Variants in DPP6 observed in about 807,000 individuals in gnomAD.
The protein encoded by DPP6 is dipeptidyl peptidase like 6.
In DPP6, 69 loss-of-function variants were observed where a neutral mutation model predicts 122.6. The observed-to-expected ratio is 0.56, with a 90% CI of 0.46 to 0.69. DPP6 has a LOEUF of 0.69. Ranked by LOEUF, DPP6 falls within the 30% of genes least tolerant of loss-of-function variation. The pLI, the probability that DPP6 is intolerant of heterozygous loss-of-function variation, is 0.00. For missense variants in DPP6, 928 were observed against 1,116.9 expected (o/e 0.83, Z 2.41); for synonymous variants, 418 against 433.1 (o/e 0.97, Z 0.43).
chr7:153,984,492 C>T (rs1796746454), intron 1 of DPP6, among the ~76,000 whole-genome samples: 1 of 152,156 alleles, frequency 6.6e-6, no homozygotes, highest in African/African-American at 2.4e-5. Context: ...TCCTAAGAAG[C>T]AGTCTGAATG....
intron 1 of DPP6, among the ~76,000 whole-genome samples, chr7:154,382,492 T>G (rs1267006266): frequency 6.6e-6 from 1 of 152,258 alleles, no homozygotes; most frequent in Non-Finnish European, 1.5e-5. Context: ...GTAGGAATTT[T>G]TATTCTTTCA....
the DPP6 span, among the ~76,000 whole-genome samples, chr7:153,806,530 G>A: frequency 6.6e-6 from 1 of 151,372 alleles, no homozygotes; most frequent in African/African-American, 2.5e-5. Flanking sequence ...TGCAATTCAG[G>A]GATGAGATTT....
At chr7:154,884,246 CAAATT>C (rs1489519855) in intron 21 of DPP6, 7 of 142,868 alleles carry the variant, frequency 4.9e-5, no homozygotes, top group African/African-American at 1.9e-4. Flanking sequence ...CACATGCTCA[CAAATT>C]ACATACACAT....
intron 1 of DPP6, among the ~76,000 whole-genome samples, chr7:154,139,282 C>G (rs1025110817): frequency 1.9e-5 from 2 of 104,210 alleles, no homozygotes; most frequent in African/African-American, 8.6e-5. Context: ...GTGTAACTTT[C>G]AGTCCAAGGC....
chr7:153,918,427 A>AACAC lies in DPP6; in HGVS notation c.51+30730_51+30733dup, dbSNP rs5888535. On this transcript the variant is annotated intron_variant, in intron 1 of 25. Coordinates refer to the DPP6 transcript ENST00000404039. ...CAAGGCAAAAAGAAGAGTTAATTAA[A>AACAC]ACACACACACACACACACACACACA... 1.2e-3 allele frequency among the ~76,000 whole-genome samples: 135 copies of AACAC among 110,902 alleles called. 2 individuals are homozygous for AACAC. The highest frequency in any genetic ancestry group is 2.3e-3 in the African/African-American group (61 of 27,084). 72.8% of individuals were successfully genotyped at this position (110,902 alleles called of 152,430 possible). A position where few individuals can be genotyped will look rare whatever the true frequency, so the allele number is the denominator to read the frequency against.
intron 10 of DPP6, among the ~76,000 whole-genome samples, chr7:154,783,778 C>T (rs1213063381): frequency 6.6e-6 from 1 of 152,120 alleles, no homozygotes; most frequent in Non-Finnish European, 1.5e-5. Context: ...ACTTCCTTCT[C>T]CTTGCTCTTT....
intron 1 of DPP6, among the ~76,000 whole-genome samples, chr7:154,263,619 T>G (rs1803176406): frequency 1.3e-5 from 2 of 152,322 alleles, no homozygotes; most frequent in South Asian, 2.1e-4. Flanking sequence ...ACAATATCTC[T>G]TTTGAGCCAG....
chr7:154,238,837 C>T (rs1375538432), intron 1 of DPP6, among the ~76,000 whole-genome samples: 2 of 152,192 alleles, frequency 1.3e-5, no homozygotes, highest in African/African-American at 4.8e-5. Context: ...AAACCCAAGG[C>T]CCAGAGACAT....
At chr7:154,360,079 T>G (rs896536390) in intron 1 of DPP6, among the ~76,000 whole-genome samples, 1 of 152,246 alleles carries the variant, frequency 6.6e-6, no homozygotes, top group Non-Finnish European at 1.5e-5. Context: ...CATTTTACTA[T>G]GCCAGTAGTG....
At chr7:154,195,574 G>A (rs962678030) in intron 1 of DPP6, among the ~76,000 whole-genome samples, 7 of 152,182 alleles carry the variant, frequency 4.6e-5, no homozygotes, top group Non-Finnish European at 1.0e-4. Context: ...ACTCCAGGAA[G>A]TCTATGGGGA....
chr7:154,584,252 G>A lies in DPP6; in HGVS notation c.627+17336G>A, dbSNP rs77153842. Among the ~76,000 whole-genome samples the A allele has an allele frequency of 4.2e-3, 635 of 152,202 alleles. 2 individuals are homozygous for A. Among genetic ancestry groups the A allele is most frequent in the Non-Finnish European group, 7.6e-3 (518 of 68,024 alleles). ...CTCTCACCTCTGGGCCTTTGCAGGC[G>A]CTGTTCCCTCTGCTGGGAGCACCTG... is the stretch of plus-strand genomic sequence containing the variant. On this transcript the variant is annotated intron_variant, in intron 5 of 25. Coordinates refer to ENST00000377770, the MANE Select transcript of DPP6 (RefSeq NM_130797.4).
chr7:154,264,531 G>A (rs1173405205), intron 1 of DPP6, among the ~76,000 whole-genome samples: 1 of 152,148 alleles, frequency 6.6e-6, no homozygotes. Flanking sequence ...TTACTGTAAA[G>A]ATGAAAATTG....
chr7:154,496,070 A>C (rs1824712561), intron 3 of DPP6, among the ~76,000 whole-genome samples: 1 of 152,220 alleles, frequency 6.6e-6, no homozygotes, highest in Non-Finnish European at 1.5e-5. Flanking sequence ...CAAAATCTTA[A>C]ATTTTCATAA....
chr7:154,067,907 G>GTTTT (rs142049299), intron 1 of DPP6, among the ~76,000 whole-genome samples: 4 of 142,452 alleles, frequency 2.8e-5, no homozygotes, highest in Non-Finnish European at 3.0e-5. Context: ...GTTTTTTTTT[G>GTTTT]TTTTTTTTTT....
At chr7:154,669,571 T>C in intron 7 of DPP6, 130 bp downstream of exon 7, 2 of 1,374,298 alleles carry the variant, frequency 1.5e-6, no homozygotes, top group Non-Finnish European at 1.9e-6. Flanking sequence ...TGTGTGTAAA[T>C]TAAAATCTGG....
chr7:154,847,266 C>T (rs1323921542), intron 16 of DPP6, among the ~76,000 whole-genome samples: 1 of 152,158 alleles, frequency 6.6e-6, no homozygotes, highest in Admixed American at 6.5e-5. Flanking sequence ...TACATTGAGA[C>T]ATGTCATATC....
chr7:154,126,274 A>G (rs1807878912), intron 1 of DPP6, among the ~76,000 whole-genome samples: 1 of 152,182 alleles, frequency 6.6e-6, no homozygotes, highest in African/African-American at 2.4e-5. Context: ...ATTGTGAAAT[A>G]GGGCTATGAT....
chr7:154,273,682 A>G (rs4532523), intron 1 of DPP6, among the ~76,000 whole-genome samples: 67,040 of 152,046 alleles, frequency 0.44, 15,901 homozygotes, highest in African/African-American at 0.63. Context: ...TCAAAGTCAA[A>G]TGTCTGCATT....
At chr7:154,414,288 T>C (rs1341348916) in intron 1 of DPP6, among the ~76,000 whole-genome samples, 3 of 152,240 alleles carry the variant, frequency 2.0e-5, no homozygotes, top group Non-Finnish European at 4.4e-5. Context: ...TTTCAGCTTT[T>C]GAGTTTCCTC....
Sources: allele counts gnomAD v4.1 joint callset (sites outside exome capture counted in the v4.1 genomes callset), GRCh38; gene constraint gnomAD v4.1.1; transcripts MANE v1.5; gene names NCBI Gene and HGNC (gene_info 2026-07-23, HGNC 2026-07-21).